The following AMD1 variants were observed in gnomAD, a reference collection of about 807,000 sequenced individuals.
The protein encoded by AMD1 is S-adenosylmethionine decarboxylase proenzyme.
A neutral mutation model predicts 40.2 loss-of-function variants in AMD1; 11 were observed. The ratio of observed to expected loss-of-function variants is 0.27; its 90% CI spans 0.17 to 0.45. The LOEUF (loss-of-function observed/expected upper bound fraction) is 0.45. Among genes scored for constraint, AMD1 ranks in the 20% least tolerant of loss-of-function variants. The probability of loss-of-function intolerance (pLI) is 1.00; values close to 1 mark genes in which losing one functional copy is unlikely to be tolerated. For synonymous variants in AMD1, 121 were observed against 130.8 expected, an observed-to-expected ratio of 0.93 and a Z score of 0.51; for missense variants, 257 against 410.2, an observed-to-expected ratio of 0.63 and a Z score of 3.23.
chr6:110,848,567 T>C, the AMD1 span: 1 of 424,524 alleles, frequency 2.4e-6, no homozygotes, highest in Admixed American at 4.0e-5. Flanking sequence ...ATGTTTTTGT[T>C]TAACTTGTGG....
chr6:110,815,546 G>GT, the AMD1 span: 1 of 157,680 alleles, frequency 6.3e-6, no homozygotes, highest in African/African-American at 2.4e-5. Context: ...TTTTGCCGGC[G>GT]TAAGAAATAC....
At chr6:110,823,226 C>G in the AMD1 span, among the ~76,000 whole-genome samples, 16 of 152,234 alleles carry the variant, frequency 1.1e-4, no homozygotes, top group African/African-American at 3.6e-4. Context: ...GAACATACCT[C>G]AAAATAATAA....
At chr6:110,858,106 C>T in the AMD1 span, 3 of 484,882 alleles carry the variant, frequency 6.2e-6, no homozygotes, top group Non-Finnish European at 1.2e-5. Flanking sequence ...GGCCTCCCAA[C>T]GTGCTGGGAT....
At chr6:110,851,075 T>G in the AMD1 span, among the ~76,000 whole-genome samples, 6 of 152,018 alleles carry the variant, frequency 3.9e-5, no homozygotes, top group Admixed American at 3.9e-4. Context: ...GCAATTCTCC[T>G]GCCTCAGCTT....
At chr6:110,888,169 T>G (rs917813199) in intron 2 of AMD1, 9 of 152,262 alleles carry the variant, frequency 5.9e-5, no homozygotes, top group African/African-American at 1.7e-4. Context: ...TTAGCTTCTC[T>G]ATACAAATAC....
chr6:110,841,271 TAA>T, the AMD1 span, among the ~76,000 whole-genome samples: 1 of 152,252 alleles, frequency 6.6e-6, no homozygotes, highest in Non-Finnish European at 1.5e-5. Flanking sequence ...TAATAAATCT[TAA>T]GTGTTATAAA....
rs771893553 is a variant in AMD1, at chr6:110,892,293, A to G, written c.471-6A>G. 1 of 1,613,160 alleles carries G rather than the reference A, an allele frequency of 6.2e-7. No homozygotes were observed. The highest frequency in any genetic ancestry group is 1.7e-5 in the Admixed American group (1 of 59,964). ...TTTTTAGGAACTATTTTTAATTTTT[A>G]TTTAGGTACTTATATACTCTGGATT... On this transcript the variant is annotated splice_polypyrimidine_tract_variant and splice_region_variant and intron_variant, in intron 5 of 8. Coordinates refer to ENST00000368885, the MANE Select transcript of AMD1 (RefSeq NM_001634.6).
chr6:110,823,754 A>G, the AMD1 span, among the ~76,000 whole-genome samples: 1 of 152,240 alleles, frequency 6.6e-6, no homozygotes, highest in Non-Finnish European at 1.5e-5. Context: ...TTCTAGAAGA[A>G]CTCAATCCCT....
chr6:110,831,299 C>T, the AMD1 span, among the ~76,000 whole-genome samples: 12 of 151,868 alleles, frequency 7.9e-5, no homozygotes, highest in Admixed American at 4.6e-4. Context: ...ATTAGCCAGG[C>T]GTGGTGGCAG....
intron 6 of AMD1, 87 bp downstream of exon 6, chr6:110,892,530 G>A: frequency 6.4e-7 from 1 of 1,568,064 alleles, no homozygotes; most frequent in Non-Finnish European, 8.7e-7. Context: ...TAAGTTCAGG[G>A]TAACAAGTGC....
intron 1 of AMD1, among the ~76,000 whole-genome samples, chr6:110,880,592 C>T (rs1443884909): frequency 1.3e-5 from 2 of 152,096 alleles, no homozygotes; most frequent in African/African-American, 4.8e-5. Context: ...TCCATTTTTT[C>T]CCAGCACTAT....
the AMD1 span, chr6:110,858,641 G>A: frequency 7.6e-7 from 1 of 1,315,506 alleles, no homozygotes; most frequent in Non-Finnish European, 1.1e-6. Context: ...CAGGACTAAG[G>A]GGCTGCAGAG....
Position 110,875,034 on chromosome 6 carries a change from G to C in AMD1, c.-72G>C. The C allele has an allele frequency of 8.5e-7, 1 of 1,177,338 alleles. No individual in the cohort carries two copies. The highest frequency in any genetic ancestry group is 2.6e-5 in the East Asian group (1 of 38,162). The allele number at this position is 1,177,338 out of a possible 1,614,324, so 72.9% of individuals were successfully genotyped here. A position where few individuals can be genotyped will look rare whatever the true frequency, so the allele number is the denominator to read the frequency against. ...AGCTGGAACAATCCGCAGCGGCGGC[G>C]GCAGCGGCGGGAGAAGAGGTTTAAT... On this transcript the variant is annotated 5_prime_UTR_variant, in exon 1 of 9. Transcript: ENST00000368885.
chr6:110,894,188 T>C lies in AMD1; in HGVS notation c.*572T>C, dbSNP rs1201941740. The C allele has an allele frequency of 6.5e-6, 1 of 152,934 alleles. No homozygotes were observed. The highest frequency in any genetic ancestry group is 2.4e-5 in the African/African-American group (1 of 41,464). 9.5% of individuals were successfully genotyped at this position (152,934 alleles called of 1,614,324 possible). A position where few individuals can be genotyped will look rare whatever the true frequency, so the allele number is the denominator to read the frequency against. On this transcript the variant is annotated 3_prime_UTR_variant, in exon 9 of 9. Transcript: ENST00000368885. ...TCCATGAGTTGAGTCCTTAAGAAAATGATTCCAGTTACTCATTTTGCATAT... is the reference window on the plus strand; with the variant it reads ...TCCATGAGTTGAGTCCTTAAGAAAACGATTCCAGTTACTCATTTTGCATAT...
chr6:110,873,186 G>T (rs985455082), upstream of AMD1, among the ~76,000 whole-genome samples: 2 of 152,164 alleles, frequency 1.3e-5, no homozygotes, highest in Admixed American at 6.5e-5. Flanking sequence ...CAAACATGGT[G>T]AAACCTCGTC....
the AMD1 span, among the ~76,000 whole-genome samples, chr6:110,865,924 A>G: frequency 1.3e-5 from 2 of 150,596 alleles, no homozygotes; most frequent in Admixed American, 6.6e-5. Context: ...CACCATGCCC[A>G]GCTAATTTTT....
the AMD1 span, among the ~76,000 whole-genome samples, chr6:110,817,255 GA>G: frequency 6.6e-6 from 1 of 152,178 alleles, no homozygotes; most frequent in Non-Finnish European, 1.5e-5. Flanking sequence ...AAACTAGTGG[GA>G]GGGGGAATGA....
At chr6:110,857,032 C>T in the AMD1 span, among the ~76,000 whole-genome samples, 20 of 151,878 alleles carry the variant, frequency 1.3e-4, 1 homozygote, top group African/African-American at 4.3e-4. Flanking sequence ...GGTGTAGTGG[C>T]GGGCACCTGT....
the AMD1 span, among the ~76,000 whole-genome samples, chr6:110,866,523 T>C: frequency 6.6e-6 from 1 of 152,160 alleles, no homozygotes; most frequent in African/African-American, 2.4e-5. Context: ...AAACAGGTTG[T>C]GGAAGTAGGG....
Sources: allele counts gnomAD v4.1 joint callset (sites outside exome capture counted in the v4.1 genomes callset), GRCh38; gene constraint gnomAD v4.1.1; transcripts MANE v1.5; gene names NCBI Gene and HGNC (gene_info 2026-07-23, HGNC 2026-07-21).